Variants in LRRD1 observed in about 807,000 individuals in gnomAD.
LRRD1 encodes the protein leucine-rich repeat and death domain-containing protein 1.
LRRD1 carries 49 observed loss-of-function variants against 69.5 expected under a neutral mutation model. The ratio of observed to expected loss-of-function variants is 0.70; its 90% confidence interval spans 0.56 to 0.89. LRRD1 has a LOEUF of 0.89. Among genes scored for constraint, LRRD1 ranks in the 40% least tolerant of loss-of-function variants. The pLI is 0.00. For missense variants in LRRD1, 853 were observed against 956.0 expected, an observed-to-expected ratio of 0.89 and a Z score of 1.42; for synonymous variants, 303 against 338.9, an observed-to-expected ratio of 0.89 and a Z score of 1.16.
intron 3 of LRRD1, among the ~76,000 whole-genome samples, chr7:92,152,415 C>A (rs1048229801): frequency 6.6e-6 from 1 of 151,762 alleles, no homozygotes; most frequent in Non-Finnish European, 1.5e-5. Context: ...GAAGAGCTTC[C>A]AGTTTTGGCA....
In LRRD1 at chr7:92,165,217, T is replaced by C. The variant is rs759235275; in HGVS notation, c.-15A>G. ...TTTTCAGACATCTTATTTGCTGATA[T>C]GTTTTATGCCAATACAAAATTGTAA... is the stretch of plus-strand genomic sequence containing the variant. On this transcript the variant is annotated 5_prime_UTR_variant, in exon 2 of 6. Transcript: ENST00000458448. 93 of 1,378,620 alleles carry C rather than the reference T, an allele frequency of 6.7e-5. No homozygotes were observed. Among genetic ancestry groups the C allele is most frequent in the Non-Finnish European group, 8.8e-5 (92 of 1,040,020 alleles). 85.4% of individuals were successfully genotyped at this position (1,378,620 alleles called of 1,614,324 possible). A position where few individuals can be genotyped will look rare whatever the true frequency, so the allele number is the denominator to read the frequency against.
At chr7:92,154,823 G>A (rs1218577032) in intron 3 of LRRD1, among the ~76,000 whole-genome samples, 1 of 152,036 alleles carries the variant, frequency 6.6e-6, no homozygotes, top group Non-Finnish European at 1.5e-5. Flanking sequence ...TTATCCATGG[G>A]AGATACCTTC....
chr7:92,160,958 G>A (rs1270434809), intron 2 of LRRD1, among the ~76,000 whole-genome samples: 1 of 152,192 alleles, frequency 6.6e-6, no homozygotes, highest in African/African-American at 2.4e-5. Context: ...GATTTGTTTG[G>A]ATAAGGAGCA....
rs1456721634 is a variant in LRRD1 at position 92,164,260 on chromosome 7, T to C, written c.943A>G (p.Ile315Val). ...LISLDLTGNL[I>V]SSLPKEIREL... is the part of the protein sequence containing the mutation. ...CTAATTTCTTTTGGCAAACTGCTTA[T>C]TAGGTTTCCAGTAAGGTCTAGTGAA... Residue 315 changes from isoleucine to valine, a missense_variant, in exon 2 of 6, where the codon ATA becomes GTA. Around this residue, in one of 3 missense-constraint regions of LRRD1, gnomAD observed 739 missense variants for 808.0 expected, o/e 0.91. Coordinates refer to ENST00000458448, the MANE Select transcript of LRRD1 (RefSeq NM_001161528.2). The C allele has an allele frequency of 2.6e-6, 4 of 1,550,946 alleles. No individual in the cohort carries two copies. The highest frequency in any genetic ancestry group is 3.5e-6 in the Non-Finnish European group (4 of 1,146,666).
chr7:92,167,249 C>T (rs1476773096), intron 1 of LRRD1, among the ~76,000 whole-genome samples: 3 of 152,064 alleles, frequency 2.0e-5, no homozygotes, highest in African/African-American at 7.2e-5. Flanking sequence ...GCGCACGCCA[C>T]CACACCCAGC....
chr7:92,147,997 A>G (rs1820371243), intron 4 of LRRD1, among the ~76,000 whole-genome samples: 1 of 152,036 alleles, frequency 6.6e-6, no homozygotes, highest in Admixed American at 6.6e-5. Context: ...TCTCACTACA[A>G]TCTCCGCCTC....
intron 3 of LRRD1, among the ~76,000 whole-genome samples, chr7:92,158,758 C>G (rs755705069): frequency 2.3e-4 from 35 of 152,056 alleles, no homozygotes; most frequent in Middle Eastern, 3.2e-3. Context: ...TACTAAATGA[C>G]TGGGTATAGG....
chr7:92,178,238 G>A (rs1245748909), intron 1 of LRRD1, among the ~76,000 whole-genome samples: 3 of 151,556 alleles, frequency 2.0e-5, no homozygotes, highest in African/African-American at 4.9e-5. Flanking sequence ...GCTTGAACCC[G>A]GGCGGTGGAG....
rs1395756496 is a variant in LRRD1 at position 92,147,413 on chromosome 7, C to T, written c.2279-1213G>A. ...GTGACTTCCAAGCCCTTTAATTTCT[C>T]CAGGATTTGAAATGCATTTGACTGC... is the stretch of plus-strand genomic sequence containing the variant. On this transcript the variant is annotated intron_variant, in intron 4 of 5. Transcript: ENST00000458448. Among the ~76,000 whole-genome samples the T allele has an allele frequency of 3.9e-5, 6 of 152,198 alleles. No homozygotes were observed. In the East Asian group the frequency reaches 1.2e-3, roughly 29 times the overall value.
At position 92,174,510 on chromosome 7, in the gene LRRD1, T is replaced by TATGTATATA. The variant is rs1491100533; in HGVS notation, c.-75+4496_-75+4497insTATATACAT. On this transcript the variant is annotated intron_variant, in intron 1 of 5. Transcript: ENST00000458448. ...ATATATATATATATATATATATATA[T>TATGTATATA]TTTTTTTTTTTTTTTTTTTTTTTTT... 6.4e-3 allele frequency among the ~76,000 whole-genome samples: 81 copies of TATGTATATA among 12,602 alleles called. 1 individual carries two copies. The highest frequency in any genetic ancestry group is 8.4e-3 in the Non-Finnish European group (68 of 8,142). The allele number at this position is 12,602 out of a possible 152,430, so 8.3% of individuals were successfully genotyped here.
chr7:92,142,785 C>G (rs995686268), downstream of LRRD1: 10 of 445,290 alleles, frequency 2.2e-5, no homozygotes, highest in Admixed American at 2.5e-5. Context: ...TCCTTTCTCC[C>G]GGTGGGTTCC....
chr7:92,168,577 G>A (rs377641562), intron 1 of LRRD1, among the ~76,000 whole-genome samples: 38 of 150,810 alleles, frequency 2.5e-4, no homozygotes, highest in African/African-American at 9.0e-4. Context: ...TCCAGAATGC[G>A]TACTTGACTA....
In LRRD1 at chr7:92,164,640, A is replaced by G. The variant is rs1788864378; in HGVS notation, c.563T>C (p.Leu188Ser). 1.3e-6 allele frequency: 2 copies of G among 1,551,710 alleles called. No individual in the cohort carries two copies. Among genetic ancestry groups the G allele is most frequent in the Non-Finnish European group, 1.7e-6 (2 of 1,146,926 alleles). ...TTGCAGGGATAGAATTTCAAGTCCT[A>G]ACAGATCACCTGAGTCTGCCCCTTG... ...TFQGADSGDL[L>S]GLEILSLQEN... Residue 188 changes from leucine to serine, a missense_variant, in exon 2 of 6, where the codon TTA (leucine) becomes TCA (serine). Leu to Ser is a moderately radical substitution (Grantham distance 145, BLOSUM62 -2). Around this residue, in one of 3 missense-constraint regions of LRRD1, gnomAD observed 739 missense variants for 808.0 expected, o/e 0.91. Transcript: ENST00000458448.
intron 1 of LRRD1, among the ~76,000 whole-genome samples, chr7:92,167,387 C>G (rs1788935698): frequency 1.3e-5 from 2 of 151,770 alleles, no homozygotes; most frequent in Non-Finnish European, 2.9e-5. Flanking sequence ...AGCCTGTAAA[C>G]TTTTTAGTTT....
chr7:92,141,687 C>T (rs927585894), downstream of LRRD1: 1 of 152,156 alleles, frequency 6.6e-6, no homozygotes, highest in Non-Finnish European at 1.5e-5. Flanking sequence ...AAGTACCTTG[C>T]CTCCAGTGGA....
Position 92,165,111 on chromosome 7 carries a change from C to T in LRRD1, c.92G>A (p.Gly31Asp), listed in dbSNP as rs1185347728. 6.4e-7 allele frequency: 1 copy of T among 1,551,404 alleles called. No homozygotes were observed. The highest frequency in any genetic ancestry group is 8.7e-7 in the Non-Finnish European group (1 of 1,146,930). ...CAAATTTGATGTTTCTTTAATAAAG[C>T]CAGGCTCCTTCATTGACTGTGATCT... ...ESRSQSMKEP[G>D]FIKETSNLIN... The change falls in exon 2 of 6, where the codon GGC (glycine) becomes GAC (aspartate). Residue 31 changes from glycine (G) to aspartate (D), a missense_variant. By Grantham distance (94) the Gly-to-Asp change is moderately conservative (BLOSUM62 -1). This residue lies in a region of LRRD1 where 99 missense variants were observed against 107.0 expected (regional missense o/e 0.92). Transcript: ENST00000458448.
chr7:92,149,338 C>G (rs1337891920), intron 4 of LRRD1, among the ~76,000 whole-genome samples: 1 of 152,118 alleles, frequency 6.6e-6, no homozygotes, highest in East Asian at 1.9e-4. Context: ...ATTCCATTTC[C>G]CCAAATCTGG....
At chr7:92,143,514 G>A (rs888369206), downstream of LRRD1, among the ~76,000 whole-genome samples, 46 of 152,214 alleles carry the variant, frequency 3.0e-4, no homozygotes, top group African/African-American at 1.0e-3. Context: ...GCCCTGCCCC[G>A]CGGGAAGGCA....
rs1241347720 is a variant in LRRD1, at chr7:92,144,937, A to G, written c.2534T>C (p.Met845Thr). ...AAGATTTAAAGCTGTTATTTTGTCC[A>G]TAATTTCATATGCTCCTATCATAGT... ...ALTMIGAYEI[M>T]DKITALNLFT... Residue 845 changes from methionine (M) to threonine (T), a missense_variant, in exon 6 of 6, where the codon ATG (methionine) becomes ACG (threonine). Met to Thr is a moderately conservative substitution (Grantham distance 81). Transcript: ENST00000458448. 14 of 1,538,270 alleles carry G rather than the reference A, an allele frequency of 9.1e-6. No homozygotes were observed. In the Admixed American group the frequency reaches 2.6e-4, roughly 28 times the overall value.
Sources: allele counts gnomAD v4.1 joint callset (sites outside exome capture counted in the v4.1 genomes callset), GRCh38; gene constraint gnomAD v4.1.1; regional missense constraint gnomAD v4.1.1; transcripts MANE v1.5; gene names NCBI Gene and HGNC (gene_info 2026-07-23, HGNC 2026-07-21).